PTPRK: variants seen among roughly 807,000 people sequenced by gnomAD.
PTPRK encodes protein tyrosine phosphatase receptor type K, also known as receptor-type tyrosine-protein phosphatase kappa.
In PTPRK, 75 loss-of-function variants were observed where a neutral mutation model predicts 178.0. The ratio of observed to expected loss-of-function variants is 0.42; its 90% CI spans 0.35 to 0.51. PTPRK has a LOEUF of 0.51. PTPRK is among the 20% of genes least tolerant of loss of function. PTPRK has a pLI of 0.02. For missense variants in PTPRK, 1,441 were observed against 1,797.8 expected (o/e 0.80, Z 3.59); for synonymous variants, 637 against 620.6 (o/e 1.03, Z -0.39).
At chr6:128,099,872 T>C (rs545801091) in intron 7 of PTPRK, among the ~76,000 whole-genome samples, 1 of 152,178 alleles carries the variant, frequency 6.6e-6, no homozygotes, top group South Asian at 2.1e-4. Context: ...GTTTAGAGAT[T>C]AGACAGCCTT....
intron 1 of PTPRK, among the ~76,000 whole-genome samples, chr6:128,508,573 A>T (rs1419762990): frequency 6.6e-6 from 1 of 152,228 alleles, no homozygotes; most frequent in African/African-American, 2.4e-5. Flanking sequence ...ATACAAATAC[A>T]GTAGGACCCC....
At chr6:128,266,229 G>C (rs1398225883) in intron 3 of PTPRK, among the ~76,000 whole-genome samples, 1 of 152,288 alleles carries the variant, frequency 6.6e-6, no homozygotes, top group Non-Finnish European at 1.5e-5. Flanking sequence ...TACTAGAAGA[G>C]CAAAAGGTCC....
intron 3 of PTPRK, among the ~76,000 whole-genome samples, chr6:128,278,397 C>G (rs1252271026): frequency 1.3e-5 from 2 of 152,086 alleles, no homozygotes; most frequent in Non-Finnish European, 2.9e-5. Context: ...ACTTTGTGAT[C>G]TGCCCACCTT....
chr6:128,483,383 T>C (rs1204776862), intron 1 of PTPRK, among the ~76,000 whole-genome samples: 2 of 152,126 alleles, frequency 1.3e-5, no homozygotes, highest in Non-Finnish European at 2.9e-5. Context: ...TGCTACTTTG[T>C]GTGTTTAAAA....
At chr6:128,214,395 G>A (rs1808833959) in intron 6 of PTPRK, among the ~76,000 whole-genome samples, 1 of 152,100 alleles carries the variant, frequency 6.6e-6, no homozygotes, top group South Asian at 2.1e-4. Context: ...GGATTAAGTT[G>A]TACCTTCTCT....
At chr6:128,097,403 T>G (rs528649798) in intron 7 of PTPRK, among the ~76,000 whole-genome samples, 1 of 152,316 alleles carries the variant, frequency 6.6e-6, no homozygotes, top group East Asian at 1.9e-4. Flanking sequence ...CAGATAATTT[T>G]AATAAAATTA....
At chr6:128,354,023 G>T (rs1345867488) in intron 2 of PTPRK, among the ~76,000 whole-genome samples, 1 of 151,982 alleles carries the variant, frequency 6.6e-6, no homozygotes, top group African/African-American at 2.4e-5. Context: ...TCTTATAACT[G>T]CATGTGAATT....
intron 6 of PTPRK, among the ~76,000 whole-genome samples, chr6:128,194,056 T>TTATATATATA (rs1228103270): frequency 2.2e-5 from 3 of 138,010 alleles, no homozygotes; most frequent in African/African-American, 8.5e-5. Context: ...GCAATAATAT[T>TTATATATATA]TATATATATA....
At chr6:128,279,931 G>A (rs1368334792) in intron 3 of PTPRK, among the ~76,000 whole-genome samples, 1 of 152,104 alleles carries the variant, frequency 6.6e-6, no homozygotes, top group East Asian at 1.9e-4. Flanking sequence ...CTATCATCAG[G>A]CAGTAAAGTC....
At chr6:128,034,735 G>T (rs1236337050) in intron 13 of PTPRK, among the ~76,000 whole-genome samples, 2 of 152,164 alleles carry the variant, frequency 1.3e-5, no homozygotes, top group Non-Finnish European at 2.9e-5. Flanking sequence ...ATTTGAAAAA[G>T]AAGGGTTAGA....
At chr6:128,136,089 G>C (rs1376308066) in intron 7 of PTPRK, among the ~76,000 whole-genome samples, 3 of 152,136 alleles carry the variant, frequency 2.0e-5, no homozygotes, top group Non-Finnish European at 4.4e-5. Context: ...AAGAGAAAGA[G>C]ATATCTGGGA....
At chr6:128,210,103 C>T (rs984339294) in intron 6 of PTPRK, among the ~76,000 whole-genome samples, 2 of 151,680 alleles carry the variant, frequency 1.3e-5, no homozygotes, top group African/African-American at 4.8e-5. Flanking sequence ...TAGAAGTACA[C>T]GAAAGAGAAG....
intron 7 of PTPRK, among the ~76,000 whole-genome samples, chr6:128,120,672 A>G: frequency 6.6e-6 from 1 of 151,996 alleles, no homozygotes; most frequent in Admixed American, 6.6e-5. Flanking sequence ...GCACAAGAAA[A>G]AGAAGAAAAT....
intron 2 of PTPRK, among the ~76,000 whole-genome samples, chr6:128,331,213 T>C (rs1416817042): frequency 6.6e-6 from 1 of 152,178 alleles, no homozygotes; most frequent in African/African-American, 2.4e-5. Context: ...AAGTTGGATG[T>C]TTTATAAAAA....
chr6:128,331,492 A>G (rs1052943191), intron 2 of PTPRK, among the ~76,000 whole-genome samples: 3 of 152,104 alleles, frequency 2.0e-5, no homozygotes, highest in African/African-American at 4.8e-5. Flanking sequence ...AAAAAAAAAG[A>G]GTAAAATTTG....
At chr6:128,284,983 AC>A (rs1822232847) in intron 3 of PTPRK, among the ~76,000 whole-genome samples, 1 of 152,220 alleles carries the variant, frequency 6.6e-6, no homozygotes. Context: ...ATTGTGTTAC[AC>A]AAAAAGAATA....
rs1450362509 is a variant in PTPRK at position 128,355,037 on chromosome 6, T to C, written c.224-32727A>G. Among the ~76,000 whole-genome samples, 3 of 152,338 alleles carry C rather than the reference T, an allele frequency of 2.0e-5. No individual in the cohort carries two copies. In the East Asian group the frequency reaches 5.8e-4, roughly 29 times the overall value. On this transcript the variant is annotated intron_variant, in intron 2 of 29. Coordinates refer to ENST00000368226, the MANE Select transcript of PTPRK (RefSeq NM_002844.4). Reference sequence around the variant, plus strand: ...GAATGTTAACACTTTACTGGAGAGTTACAATTATATTCACAGAAACAAAAA... The same window carrying C: ...GAATGTTAACACTTTACTGGAGAGTCACAATTATATTCACAGAAACAAAAA...
At chr6:128,032,424 G>T (rs1196019459) in intron 13 of PTPRK, among the ~76,000 whole-genome samples, 2 of 152,292 alleles carry the variant, frequency 1.3e-5, no homozygotes, top group Admixed American at 1.3e-4. Flanking sequence ...TCCGTTAAAG[G>T]ATTGTAAAGG....
chr6:128,058,336 T>A (rs2114903842), intron 13 of PTPRK, among the ~76,000 whole-genome samples: 1 of 152,278 alleles, frequency 6.6e-6, no homozygotes, highest in African/African-American at 2.4e-5. Context: ...TTTTCTACAC[T>A]TTTTCATTTT....
Sources: allele counts gnomAD v4.1 joint callset (sites outside exome capture counted in the v4.1 genomes callset), GRCh38; gene constraint gnomAD v4.1.1; transcripts MANE v1.5; gene names NCBI Gene and HGNC (gene_info 2026-07-23, HGNC 2026-07-21).